The following TMEM200A variants were observed in gnomAD, a reference collection of about 807,000 sequenced individuals.
TMEM200A encodes two transmembrane C.
A neutral mutation model predicts 24.3 loss-of-function variants in TMEM200A; 12 were observed. That is an observed-to-expected ratio of 0.49 (90% CI 0.32 to 0.80). The LOEUF (loss-of-function observed/expected upper bound fraction) is 0.80, where lower values mean the gene tolerates loss of function less well. TMEM200A is among the 30% of genes least tolerant of loss of function. The probability of loss-of-function intolerance (pLI) is 0.04; values close to 1 mark genes in which losing one functional copy is unlikely to be tolerated. For synonymous variants in TMEM200A, 224 were observed against 224.4 expected (o/e 1.00, Z 0.02); for missense variants, 545 against 614.4 (o/e 0.89, Z 1.19).
intron 2 of TMEM200A, among the ~76,000 whole-genome samples, chr6:130,398,075 G>A (rs537005982): frequency 6.6e-6 from 1 of 151,996 alleles, no homozygotes; most frequent in East Asian, 1.9e-4. Context: ...TATCACCCAG[G>A]TAGTGATATA....
chr6:130,413,214 G>T (rs1281332261), intron 2 of TMEM200A, among the ~76,000 whole-genome samples: 1 of 152,164 alleles, frequency 6.6e-6, no homozygotes, highest in Non-Finnish European at 1.5e-5. Flanking sequence ...CCCAGATCTT[G>T]CCCCTGGAAC....
intron 2 of TMEM200A, among the ~76,000 whole-genome samples, chr6:130,390,839 T>G (rs1778816495): frequency 6.6e-6 from 1 of 152,200 alleles, no homozygotes; most frequent in African/African-American, 2.4e-5. Flanking sequence ...ACTGCTCTGC[T>G]CTCTGTCAGC....
intron 2 of TMEM200A, among the ~76,000 whole-genome samples, chr6:130,421,682 T>G (rs772755350): frequency 6.6e-6 from 1 of 152,170 alleles, no homozygotes; most frequent in African/African-American, 2.4e-5. Context: ...TTTGTACCCT[T>G]TGACCATCTC....
chr6:130,366,230 C>A lies in TMEM200A; in HGVS notation c.-375C>A. ...CAGCGGCGCATCCCCTGCCCCGAGG[C>A]CTCCGGTGCCCCCCCGGCGCGGGCA... is the stretch of plus-strand genomic sequence containing the variant. On this transcript the variant is annotated 5_prime_UTR_variant, in exon 1 of 3. Transcript: ENST00000296978. This position sits in a 1 kb window ranked among gnomAD's most constrained non-coding sequence, Gnocchi z 4.4. The A allele has an allele frequency of 2.0e-6, 2 of 985,348 alleles. No individual in the cohort carries two copies. Among genetic ancestry groups the A allele is most frequent in the Non-Finnish European group, 2.4e-6 (2 of 829,898 alleles). The allele number at this position is 985,348 out of a possible 1,614,324, so 61.0% of individuals were successfully genotyped here. A position where few individuals can be genotyped will look rare whatever the true frequency, so the allele number is the denominator to read the frequency against.
chr6:130,407,294 G>A (rs551950560), intron 2 of TMEM200A, among the ~76,000 whole-genome samples: 28 of 152,096 alleles, frequency 1.8e-4, no homozygotes, highest in Non-Finnish European at 2.2e-4. Context: ...TTTTATTTAG[G>A]GATTTGGTTC....
At chr6:130,396,149 T>TA (rs569204455) in intron 2 of TMEM200A, among the ~76,000 whole-genome samples, 45 of 152,324 alleles carry the variant, frequency 3.0e-4, no homozygotes, top group South Asian at 8.3e-4. Context: ...TCAGATTTTT[T>TA]ATCTATTACG....
At chr6:130,428,933 G>A (rs1554284539) in intron 2 of TMEM200A, among the ~76,000 whole-genome samples, 1 of 151,946 alleles carries the variant, frequency 6.6e-6, no homozygotes, top group Non-Finnish European at 1.5e-5. Flanking sequence ...GGGAGTAAAA[G>A]AAATATACAA....
intron 2 of TMEM200A, among the ~76,000 whole-genome samples, chr6:130,398,177 A>AT (rs977557598): frequency 1.3e-5 from 2 of 151,926 alleles, no homozygotes; most frequent in African/African-American, 4.8e-5. Flanking sequence ...ATTTGTGTCC[A>AT]TGTGTATTCA....
intron 2 of TMEM200A, among the ~76,000 whole-genome samples, chr6:130,402,513 C>T (rs1779113405): frequency 6.6e-6 from 1 of 152,052 alleles, no homozygotes; most frequent in Admixed American, 6.6e-5. Flanking sequence ...TTTGTCTTCT[C>T]TTCCAGAACT....
chr6:130,417,284 T>G (rs562883718), intron 2 of TMEM200A, among the ~76,000 whole-genome samples: 1 of 152,308 alleles, frequency 6.6e-6, no homozygotes, highest in Non-Finnish European at 1.5e-5. Flanking sequence ...AAGACTGATT[T>G]GAATGTCACT....
intron 2 of TMEM200A, among the ~76,000 whole-genome samples, chr6:130,386,855 C>G (rs976696462): frequency 1.3e-4 from 20 of 152,180 alleles, no homozygotes; most frequent in African/African-American, 4.8e-4. Flanking sequence ...ATTCCTTTTT[C>G]TTCGCCAGCA....
At chr6:130,387,601 CTCTTT>C (rs987880885) in intron 2 of TMEM200A, among the ~76,000 whole-genome samples, 2 of 152,180 alleles carry the variant, frequency 1.3e-5, no homozygotes, top group African/African-American at 2.4e-5. Flanking sequence ...GGGTAAACAA[CTCTTT>C]TCTTTTCTGT....
intron 2 of TMEM200A, among the ~76,000 whole-genome samples, chr6:130,396,368 T>G (rs1435845171): frequency 1.3e-5 from 2 of 151,550 alleles, no homozygotes; most frequent in South Asian, 2.1e-4. Flanking sequence ...CAGTCTGTTT[T>G]TTTTTTTTTT....
chr6:130,381,111 T>A (rs1387703065), intron 1 of TMEM200A, among the ~76,000 whole-genome samples: 1 of 152,256 alleles, frequency 6.6e-6, no homozygotes, highest in African/African-American at 2.4e-5. Flanking sequence ...GTGAAAACTC[T>A]CCTAGACTTT....
chr6:130,413,109 A>ATCATATCTG (rs1244734495), intron 2 of TMEM200A, among the ~76,000 whole-genome samples: 2 of 152,240 alleles, frequency 1.3e-5, no homozygotes, highest in East Asian at 3.8e-4. Context: ...TTTACCTTGC[A>ATCATATCTG]TCATATCTGT....
intron 1 of TMEM200A, among the ~76,000 whole-genome samples, chr6:130,372,939 G>C (rs767337149): frequency 6.6e-6 from 1 of 152,216 alleles, no homozygotes; most frequent in Admixed American, 6.5e-5. Flanking sequence ...AAATAAAGCT[G>C]GTAGAGATAT....
intron 2 of TMEM200A, among the ~76,000 whole-genome samples, chr6:130,436,631 C>A (rs10592965): frequency 1.1e-5 from 1 of 92,962 alleles, no homozygotes; most frequent in Non-Finnish European, 2.0e-5. Context: ...TTTCTTTATC[C>A]TTTTTTTTTT....
At chr6:130,432,958 G>A (rs1016985237) in intron 2 of TMEM200A, among the ~76,000 whole-genome samples, 3 of 152,092 alleles carry the variant, frequency 2.0e-5, no homozygotes, top group African/African-American at 7.2e-5. Flanking sequence ...TAGGTCTTCT[G>A]CCTCAAGTGC....
intron 2 of TMEM200A, among the ~76,000 whole-genome samples, chr6:130,411,678 C>T (rs1583208343): frequency 1.3e-5 from 2 of 152,112 alleles, no homozygotes; most frequent in African/African-American, 4.8e-5. Context: ...TAGAGTGTCT[C>T]CTAAGGTTGG....
Sources: gnomAD v4.1 joint callset for allele counts (sites outside exome capture counted in the v4.1 genomes callset) on GRCh38, gnomAD v4.1.1 for gene constraint, Gnocchi (gnomAD v3.1) non-coding constraint, MANE v1.5 for transcripts, NCBI Gene and HGNC (gene_info 2026-07-23, HGNC 2026-07-21) for gene names.